The following ING5 variants were observed in gnomAD, a reference collection of about 807,000 sequenced individuals.
The protein encoded by ING5 is inhibitor of growth family member 5.
ING5 carries 17 observed loss-of-function variants against 37.4 expected under a neutral mutation model. That is an observed-to-expected ratio of 0.45 (90% CI 0.31 to 0.68). The LOEUF (loss-of-function observed/expected upper bound fraction) is 0.68. Among genes scored for constraint, ING5 ranks in the 30% least tolerant of loss-of-function variants. The pLI, the probability that ING5 is intolerant of heterozygous loss-of-function variation, is 0.05. For missense variants in ING5, 233 were observed against 311.9 expected (o/e 0.75, Z 1.91); for synonymous variants, 123 against 116.6 (o/e 1.06, Z -0.36).
At chr2:241,712,097 C>T in intron 5 of ING5, 26 bp downstream of exon 5, 1 of 1,534,124 alleles carries the variant, frequency 6.5e-7, no homozygotes, top group Non-Finnish European at 8.9e-7. Flanking sequence ...CTCTTTTTCC[C>T]AAAAGAACGA....
chr2:241,702,186 C>A, intron 1 of ING5, 84 bp downstream of exon 1: 1 of 785,716 alleles, frequency 1.3e-6, no homozygotes, highest in Non-Finnish European at 1.6e-6. Context: ...GCACCGCATG[C>A]AGACCCCGTG....
At chr2:241,711,633 G>T in intron 4 of ING5, 145 bp downstream of exon 4, 1 of 663,456 alleles carries the variant, frequency 1.5e-6, no homozygotes, top group Non-Finnish European at 2.5e-6. Context: ...GGGTGTGGTG[G>T]CTTACGCCTG....
chr2:241,714,453 A>G (rs2070205184), intron 5 of ING5, among the ~76,000 whole-genome samples: 1 of 152,252 alleles, frequency 6.6e-6, no homozygotes, highest in South Asian at 2.1e-4. Context: ...TCTTTCAAGA[A>G]ATTTGTTTCA....
intron 7 of ING5, among the ~76,000 whole-genome samples, chr2:241,724,277 G>T (rs34930012): frequency 6.6e-6 from 1 of 152,132 alleles, no homozygotes; most frequent in African/African-American, 2.4e-5. Context: ...GTCAACACAG[G>T]CTGTCCTGTC....
chr2:241,708,557 G>C (rs2069997274), intron 2 of ING5, among the ~76,000 whole-genome samples: 1 of 152,184 alleles, frequency 6.6e-6, no homozygotes, highest in Non-Finnish European at 1.5e-5. Flanking sequence ...GTCTGTTTCT[G>C]CTCTTCATAT....
At position 241,723,025 on chromosome 2, in the gene ING5, T is replaced by G. The variant is rs2070468567; in HGVS notation, c.569T>G (p.Leu190Arg). 1 of 1,614,132 alleles carries G rather than the reference T, an allele frequency of 6.2e-7. No individual in the cohort carries two copies. Among genetic ancestry groups the G allele is most frequent in the African/African-American group, 1.3e-5 (1 of 74,950 alleles). ...GACCCAAACGAACCCACGTACTGCCTGTGCCACCAGGTCTCCTATGGGGAG... is the reference window on the plus strand; with the variant it reads ...GACCCAAACGAACCCACGTACTGCCGGTGCCACCAGGTCTCCTATGGGGAG... ...PVDPNEPTYCLCHQVSYGEMI... is the reference protein window; with the variant it reads ...PVDPNEPTYCRCHQVSYGEMI... The change falls in exon 6 of 8, where the codon CTG (leucine) becomes CGG (arginine). Residue 190 changes from leucine (L) to arginine (R), a missense_variant. Transcript: ENST00000313552.
At chr2:241,706,346 T>C (rs1457173495) in intron 2 of ING5, among the ~76,000 whole-genome samples, 1 of 152,032 alleles carries the variant, frequency 6.6e-6, no homozygotes, top group Non-Finnish European at 1.5e-5. Flanking sequence ...GTAGATTTTC[T>C]TGGCCAGGCA....
chr2:241,709,177 T>G, intron 2 of ING5, 39 bp from the exon 3 acceptor site: 1 of 1,580,562 alleles, frequency 6.3e-7, no homozygotes, highest in Non-Finnish European at 8.6e-7. Context: ...CATCATGGTG[T>G]CTTGTGCAGG....
Position 241,709,317 on chromosome 2 carries a change from G to A in ING5, c.211G>A (p.Ala71Thr), listed in dbSNP as rs747667282. Reference protein sequence around the residue: ...RVERLQKIQNAYSKCKEYSDD... With the variant: ...RVERLQKIQNTYSKCKEYSDD... ...GGAGCGCCTGCAGAAGATCCAGAAC[G>A]CCTACAGCAAGTGCAAGGAATACAG... Residue 71 changes from alanine to threonine, a missense_variant, in exon 3 of 8, where the codon GCC becomes ACC. By Grantham distance (58) the Ala-to-Thr change is moderately conservative (BLOSUM62 0). Coordinates refer to ENST00000313552, the MANE Select transcript of ING5 (RefSeq NM_032329.6). The A allele has an allele frequency of 4.3e-6, 7 of 1,613,940 alleles. No individual in the cohort carries two copies. Among genetic ancestry groups the A allele is most frequent in the South Asian group, 2.2e-5 (2 of 91,088 alleles).
At chr2:241,710,998 C>G (rs577897499) in intron 3 of ING5, among the ~76,000 whole-genome samples, 8 of 152,306 alleles carry the variant, frequency 5.3e-5, no homozygotes, top group African/African-American at 1.7e-4. Flanking sequence ...ATCAGACTGC[C>G]TCGACCTCCC....
chr2:241,708,067 G>A (rs1296131612), intron 2 of ING5, among the ~76,000 whole-genome samples: 1 of 151,454 alleles, frequency 6.6e-6, no homozygotes, highest in Non-Finnish European at 1.5e-5. Flanking sequence ...CCAGCTAATT[G>A]TTGTATTTTT....
At chr2:241,709,073 G>T (rs1462122729) in intron 2 of ING5, 143 bp from the exon 3 acceptor site, 2 of 848,818 alleles carry the variant, frequency 2.4e-6, no homozygotes, top group Non-Finnish European at 3.8e-6. Flanking sequence ...CTGCCCACTT[G>T]CGCTCCCACC....
At chr2:241,709,114 C>G in intron 2 of ING5, 102 bp from the exon 3 acceptor site, 1 of 1,288,632 alleles carries the variant, frequency 7.8e-7, no homozygotes, top group Non-Finnish European at 1.1e-6. Context: ...CAGCCTACAT[C>G]TTTGCCACAA....
upstream of ING5, chr2:241,701,931 G>A: frequency 2.5e-6 from 1 of 397,764 alleles, no homozygotes. Flanking sequence ...GCTGAAAGGC[G>A]TGTCCGACCC....
At chr2:241,691,971 C>T (rs2124849387) in intron 2 of ING5, among the ~76,000 whole-genome samples, 1 of 152,212 alleles carries the variant, frequency 6.6e-6, no homozygotes. Flanking sequence ...TCACTTGAGC[C>T]TAGGAGGTTG....
At chr2:241,700,049 C>G (rs886441004), upstream of ING5, among the ~76,000 whole-genome samples, 1 of 152,022 alleles carries the variant, frequency 6.6e-6, no homozygotes, top group Non-Finnish European at 1.5e-5. Context: ...GTGGCACGAT[C>G]TCGGCTCACT....
chr2:241,713,205 C>T (rs886333731), intron 5 of ING5, among the ~76,000 whole-genome samples: 1 of 150,528 alleles, frequency 6.6e-6, no homozygotes, highest in African/African-American at 2.4e-5. Flanking sequence ...TACAAGTGCG[C>T]ACCACCATGC....
At chr2:241,720,887 C>A in intron 5 of ING5, 5 of 985,620 alleles carry the variant, frequency 5.1e-6, no homozygotes, top group Non-Finnish European at 6.0e-6. Flanking sequence ...CTCCCTCAGG[C>A]GAGACTGAGA....
chr2:241,712,277 G>A (rs549846727), intron 5 of ING5: 23 of 517,508 alleles, frequency 4.4e-5, no homozygotes, highest in South Asian at 2.3e-4. Flanking sequence ...TTTCAGTGTC[G>A]CAGGGACCTG....
Sources: gnomAD v4.1 joint callset for allele counts (sites outside exome capture counted in the v4.1 genomes callset) on GRCh38, gnomAD v4.1.1 for gene constraint, MANE v1.5 for transcripts, NCBI Gene and HGNC (gene_info 2026-07-23, HGNC 2026-07-21) for gene names.